The following PIK3AP1 variants were observed in gnomAD, a reference collection of about 807,000 sequenced individuals.
PIK3AP1 encodes the protein phosphoinositide-3-kinase adaptor protein 1, also known as phosphoinositide 3-kinase adapter protein 1.
Under a neutral mutation model 88.1 loss-of-function variants are expected in PIK3AP1, and 21 were observed. The ratio of observed to expected loss-of-function variants is 0.24; its 90% CI spans 0.17 to 0.34. The LOEUF is 0.34. Among genes scored for constraint, PIK3AP1 ranks in the 10% least tolerant of loss-of-function variants. The pLI, the probability that PIK3AP1 is intolerant of heterozygous loss-of-function variation, is 1.00. For synonymous variants in PIK3AP1, 398 were observed against 400.0 expected (o/e 1.00, Z 0.06); for missense variants, 828 against 1,035.7 (o/e 0.80, Z 2.75).
intron 1 of PIK3AP1, among the ~76,000 whole-genome samples, chr10:96,715,957 CAAAT>C (rs953774926): frequency 1.3e-5 from 2 of 149,908 alleles, no homozygotes; most frequent in African/African-American, 2.5e-5. Flanking sequence ...AAAAAACAAA[CAAAT>C]AAACAAACAG....
rs185917029 is a variant in PIK3AP1, at chr10:96,650,476, T to G, written c.988+772A>C. Among the ~76,000 whole-genome samples, 4 of 152,302 alleles carry G rather than the reference T, an allele frequency of 2.6e-5. No individual in the cohort carries two copies. In the East Asian group the frequency reaches 7.7e-4, roughly 29 times the overall value. ...TGCACAAGAGGCTGCTCCTCCCTCA[T>G]TAAACAACTACTTGTTTAGAGCCTA... On this transcript the variant is annotated intron_variant, in intron 6 of 16. Coordinates refer to ENST00000339364, the MANE Select transcript of PIK3AP1 (RefSeq NM_152309.3).
chr10:96,608,843 T>C, intron 14 of PIK3AP1, among the ~76,000 whole-genome samples: 1 of 152,268 alleles, frequency 6.6e-6, no homozygotes, highest in Non-Finnish European at 1.5e-5. Context: ...TAAGGAGATA[T>C]GAGTCCTGAA....
intron 1 of PIK3AP1, among the ~76,000 whole-genome samples, chr10:96,715,022 T>C (rs1359902316): frequency 1.2e-5 from 1 of 81,432 alleles, no homozygotes; most frequent in Non-Finnish European, 2.2e-5. Flanking sequence ...GAGCACAGTG[T>C]GGAAAGGGAG....
chr10:96,599,776 C>T (rs1303526788), intron 16 of PIK3AP1, among the ~76,000 whole-genome samples: 1 of 152,164 alleles, frequency 6.6e-6, no homozygotes, highest in Non-Finnish European at 1.5e-5. Flanking sequence ...ACCCAAACCC[C>T]AAGTTCTATC....
In PIK3AP1 at chr10:96,690,080, G is replaced by A. The variant is rs534888632; in HGVS notation, c.430+19487C>T. Among the ~76,000 whole-genome samples the A allele has an allele frequency of 8.5e-5, 13 of 152,210 alleles. No homozygotes were observed. In the South Asian group the frequency reaches 1.9e-3, roughly 22 times the overall value. On this transcript the variant is annotated intron_variant, in intron 2 of 16. Coordinates refer to ENST00000339364, the MANE Select transcript of PIK3AP1 (RefSeq NM_152309.3). ...TTCAGACTACACTGTGCTTATTTCC[G>A]CATAAAAGTCCTTCACGTGTTTGAA... is the stretch of plus-strand genomic sequence containing the variant.
Position 96,645,641 on chromosome 10 carries a change from T to C in PIK3AP1, c.1207A>G (p.Ser403Gly), listed in dbSNP as rs756391826. ...EYVETVDMLK[S>G]HIKEELMHGE... ...TGCATCAGTTCCTCTTTAATGTGAC[T>C]CTTGAGCATGTCCACCGTTTCCTGA... Residue 403 changes from serine to glycine, a missense_variant, in exon 8 of 17, where the codon AGT becomes GGT. Coordinates refer to ENST00000339364, the MANE Select transcript of PIK3AP1 (RefSeq NM_152309.3). 6.2e-7 allele frequency: 1 copy of C among 1,604,552 alleles called. No homozygotes were observed. Among genetic ancestry groups the C allele is most frequent in the Non-Finnish European group, 8.5e-7 (1 of 1,175,876 alleles).
intron 4 of PIK3AP1, 25 bp downstream of exon 4, chr10:96,652,673 A>G (rs1414059808): frequency 6.2e-7 from 1 of 1,611,930 alleles, no homozygotes; most frequent in African/African-American, 1.3e-5. Flanking sequence ...GCCCTATGTC[A>G]TCACATTCAC....
intron 16 of PIK3AP1, among the ~76,000 whole-genome samples, chr10:96,596,311 T>TA (rs1051773376): frequency 5.9e-5 from 9 of 152,170 alleles, no homozygotes; most frequent in Non-Finnish European, 1.2e-4. Flanking sequence ...GAAACCACAA[T>TA]AAAAGCTCTT....
chr10:96,676,967 G>C (rs1843931213), intron 2 of PIK3AP1, among the ~76,000 whole-genome samples: 1 of 152,112 alleles, frequency 6.6e-6, no homozygotes, highest in Non-Finnish European at 1.5e-5. Flanking sequence ...GAGGAAAGAG[G>C]GGGTCATGCT....
intron 15 of PIK3AP1, among the ~76,000 whole-genome samples, chr10:96,603,560 C>T (rs1315918510): frequency 6.6e-6 from 1 of 152,160 alleles, no homozygotes; most frequent in African/African-American, 2.4e-5. Context: ...TGCCCTCAAA[C>T]ACTGGACTCC....
chr10:96,612,754 C>T (rs935086370), intron 13 of PIK3AP1, among the ~76,000 whole-genome samples: 7 of 151,698 alleles, frequency 4.6e-5, no homozygotes, highest in African/African-American at 1.7e-4. Flanking sequence ...CCAGCTGTCT[C>T]GTTGCTTAGG....
Position 96,594,243 on chromosome 10 carries a change from G to A in PIK3AP1, c.*1334C>T, listed in dbSNP as rs1247842235. The A allele has an allele frequency of 6.6e-6, 1 of 152,144 alleles. No homozygotes were observed. Among genetic ancestry groups the A allele is most frequent in the African/African-American group, 2.4e-5 (1 of 41,426 alleles). 9.4% of individuals were successfully genotyped at this position (152,144 alleles called of 1,614,324 possible). A position where few individuals can be genotyped will look rare whatever the true frequency, so the allele number is the denominator to read the frequency against. ...ACTACAGTCGTACTTTGGTATCCAT[G>A]GGGGATTGGTTCCAGGATCCCCCAG... On this transcript the variant is annotated 3_prime_UTR_variant, in exon 17 of 17. Transcript: ENST00000339364. This position sits in a 1 kb window ranked among gnomAD's most constrained non-coding sequence, Gnocchi z 4.6.
chr10:96,714,871 T>C (rs1589553756), intron 1 of PIK3AP1, among the ~76,000 whole-genome samples: 1 of 152,018 alleles, frequency 6.6e-6, no homozygotes, highest in South Asian at 2.1e-4. Flanking sequence ...ATAAATACAC[T>C]GGGGAAAAAA....
chr10:96,663,648 A>G (rs1249511378), intron 2 of PIK3AP1, among the ~76,000 whole-genome samples: 5 of 149,160 alleles, frequency 3.4e-5, no homozygotes, highest in Admixed American at 2.7e-4. Flanking sequence ...AAAAAAAAAA[A>G]AAAAAAGAAA....
rs1279021452 is a variant in PIK3AP1, at chr10:96,648,768, G to A, written c.1076C>T (p.Pro359Leu). The part of the protein sequence containing the change: ...KNLTALLLTC[P>L]GALQAYSVAN... ...CACGCTGTACGCCTGCAGGGCTCCT[G>A]GGCAGGTGAGCAACAAGGCAGTGAG... The change falls in exon 7 of 17, where the codon CCA becomes CTA. Residue 359 changes from proline to leucine, a missense_variant. Transcript: ENST00000339364. 3.1e-6 allele frequency: 5 copies of A among 1,609,932 alleles called. No homozygotes were observed. Among genetic ancestry groups the A allele is most frequent in the Non-Finnish European group, 4.2e-6 (5 of 1,178,432 alleles).
intron 3 of PIK3AP1, among the ~76,000 whole-genome samples, chr10:96,656,541 C>G (rs1843617124): frequency 6.6e-6 from 1 of 152,178 alleles, no homozygotes; most frequent in African/African-American, 2.4e-5. Context: ...CTCCTAGGTG[C>G]TCTACGTTAT....
intron 2 of PIK3AP1, among the ~76,000 whole-genome samples, chr10:96,683,165 T>TA: frequency 6.6e-6 from 1 of 152,198 alleles, no homozygotes; most frequent in Non-Finnish European, 1.5e-5. Flanking sequence ...GCATCATGTC[T>TA]AAAAATAAAT....
chr10:96,649,202 C>A (rs971858910), intron 6 of PIK3AP1, among the ~76,000 whole-genome samples: 1 of 152,084 alleles, frequency 6.6e-6, no homozygotes, highest in Non-Finnish European at 1.5e-5. Flanking sequence ...GTGCATCACG[C>A]CCAGCTAATT....
chr10:96,639,404 C>A (rs1843355579), intron 8 of PIK3AP1, among the ~76,000 whole-genome samples: 1 of 152,126 alleles, frequency 6.6e-6, no homozygotes, highest in Non-Finnish European at 1.5e-5. Flanking sequence ...CAGAGAAGCA[C>A]GTATATAACT....
Sources: allele counts gnomAD v4.1 joint callset (sites outside exome capture counted in the v4.1 genomes callset), GRCh38; gene constraint gnomAD v4.1.1; non-coding constraint Gnocchi (gnomAD v3.1); transcripts MANE v1.5; gene names NCBI Gene and HGNC (gene_info 2026-07-23, HGNC 2026-07-21).